Variants in PTPRD observed in about 807,000 individuals in gnomAD.
PTPRD encodes protein tyrosine phosphatase receptor type D.
PTPRD carries 34 observed loss-of-function variants against 214.5 expected under a neutral mutation model. That is an observed-to-expected ratio of 0.16 (90% CI 0.12 to 0.21). PTPRD has a LOEUF of 0.21. Ranked by LOEUF, PTPRD falls within the 10% of genes least tolerant of loss-of-function variation. The pLI, the probability that PTPRD is intolerant of heterozygous loss-of-function variation, is 1.00. For synonymous variants in PTPRD, 1,128 were observed against 845.7 expected (o/e 1.33, Z -5.79); for missense variants, 2,545 against 2,398.7 (o/e 1.06, Z -1.27).
chr9:8,420,608 C>T (rs1017744812), intron 35 of PTPRD, among the ~76,000 whole-genome samples: 1 of 151,918 alleles, frequency 6.6e-6, no homozygotes, highest in Non-Finnish European at 1.5e-5. Context: ...CAAATGAGTA[C>T]CAAGAGCAGA....
chr9:10,228,551 G>A (rs918566015), intron 3 of PTPRD, among the ~76,000 whole-genome samples: 13 of 151,720 alleles, frequency 8.6e-5, no homozygotes, highest in African/African-American at 2.7e-4. Flanking sequence ...AAATCCACTG[G>A]AGCTACCCCT....
At chr9:10,365,925 C>G (rs926369372) in intron 2 of PTPRD, among the ~76,000 whole-genome samples, 11 of 152,120 alleles carry the variant, frequency 7.2e-5, no homozygotes, top group Non-Finnish European at 1.6e-4. Context: ...CCCAAAATAT[C>G]CTCTACTCTG....
chr9:9,280,857 T>A (rs911900735), intron 9 of PTPRD, among the ~76,000 whole-genome samples: 2 of 151,214 alleles, frequency 1.3e-5, no homozygotes, highest in Non-Finnish European at 3.0e-5. Context: ...GGCTGACATA[T>A]CCGACTTCGA....
intron 2 of PTPRD, among the ~76,000 whole-genome samples, chr9:10,359,653 T>C (rs1185892513): frequency 1.3e-5 from 2 of 152,134 alleles, no homozygotes; most frequent in African/African-American, 4.8e-5. Flanking sequence ...ATATCTGTTT[T>C]ATAATTAAAA....
At chr9:8,359,567 C>G (rs2077933635) in intron 39 of PTPRD, among the ~76,000 whole-genome samples, 1 of 152,126 alleles carries the variant, frequency 6.6e-6, no homozygotes, top group African/African-American at 2.4e-5. Context: ...TTCCTGGTCT[C>G]AAGTACTCCA....
At position 8,518,447 on chromosome 9, in the gene PTPRD, A is replaced by T; in HGVS notation, c.962-18T>A. Reference sequence around the variant, plus strand: ...GGGTAAGGCTTGGATGGGGGAAGATAAAAGACAATGACTACCCATCATCCC... The same window carrying T: ...GGGTAAGGCTTGGATGGGGGAAGATTAAAGACAATGACTACCCATCATCCC... On this transcript the variant is annotated intron_variant, in intron 20 of 45. Coordinates refer to ENST00000381196, the MANE Select transcript of PTPRD (RefSeq NM_002839.4). The T allele has an allele frequency of 6.5e-7, 1 of 1,533,824 alleles. No homozygotes were observed. The highest frequency in any genetic ancestry group is 1.2e-5 in the South Asian group (1 of 81,612).
At chr9:10,578,304 GAT>G (rs1340776856) in intron 2 of PTPRD, among the ~76,000 whole-genome samples, 1 of 152,044 alleles carries the variant, frequency 6.6e-6, no homozygotes. Context: ...AGTTTAGGAA[GAT>G]ATTGTAATAT....
intron 8 of PTPRD, among the ~76,000 whole-genome samples, chr9:9,555,527 T>C (rs2081310169): frequency 6.6e-6 from 1 of 152,088 alleles, no homozygotes; most frequent in Admixed American, 6.6e-5. Context: ...CATAATTACA[T>C]GACACTTCAT....
chr9:8,840,585 C>T (rs565422530), intron 11 of PTPRD, among the ~76,000 whole-genome samples: 10 of 152,170 alleles, frequency 6.6e-5, no homozygotes, highest in Non-Finnish European at 1.5e-4. Context: ...TCTCTTCTTA[C>T]TCCACCACCT....
chr9:9,736,764 T>A (rs1357838451), intron 6 of PTPRD, among the ~76,000 whole-genome samples: 1 of 152,024 alleles, frequency 6.6e-6, no homozygotes, highest in East Asian at 1.9e-4. Flanking sequence ...TTTAAGTTAT[T>A]TTTATGCATT....
At chr9:8,680,474 T>C (rs552087358) in intron 12 of PTPRD, among the ~76,000 whole-genome samples, 2 of 152,332 alleles carry the variant, frequency 1.3e-5, no homozygotes, top group African/African-American at 4.8e-5. Context: ...CACCTTTCCA[T>C]ATATGTGCAA....
chr9:8,614,210 T>G (rs2095539052), intron 14 of PTPRD, among the ~76,000 whole-genome samples: 1 of 152,150 alleles, frequency 6.6e-6, no homozygotes. Context: ...TGAATTCACC[T>G]ATTTGCTAAA....
chr9:9,834,087 T>C (rs1462537828), intron 5 of PTPRD, among the ~76,000 whole-genome samples: 3 of 152,064 alleles, frequency 2.0e-5, no homozygotes, highest in African/African-American at 4.8e-5. Flanking sequence ...TTACAATTTA[T>C]GTTTAGAGAT....
chr9:8,373,864 GTCTATCTA>G (rs368216657), intron 39 of PTPRD, among the ~76,000 whole-genome samples: 12,902 of 107,454 alleles, frequency 0.12, 767 homozygotes, highest in Non-Finnish European at 0.14. Context: ...GTGTCTGTCT[GTCTATCTA>G]TCTATCTATC....
chr9:8,927,029 G>A (rs1394818776), intron 11 of PTPRD, among the ~76,000 whole-genome samples: 2 of 152,032 alleles, frequency 1.3e-5, no homozygotes, highest in African/African-American at 4.8e-5. Flanking sequence ...TTTTGACAGA[G>A]GAGGAAACTG....
chr9:10,056,317 T>C (rs578132553), intron 3 of PTPRD, among the ~76,000 whole-genome samples: 2 of 135,166 alleles, frequency 1.5e-5, no homozygotes, highest in South Asian at 4.7e-4. Flanking sequence ...AGAGACTCCA[T>C]CTCAAAAAAA....
intron 9 of PTPRD, among the ~76,000 whole-genome samples, chr9:9,279,331 T>C (rs1447399605): frequency 6.9e-6 from 1 of 144,108 alleles, no homozygotes; most frequent in African/African-American, 2.5e-5. Flanking sequence ...CAGATATATA[T>C]ATACCTAAAT....
chr9:9,780,243 C>T (rs961386942), intron 5 of PTPRD, among the ~76,000 whole-genome samples: 1 of 152,048 alleles, frequency 6.6e-6, no homozygotes, highest in Non-Finnish European at 1.5e-5. Flanking sequence ...ACAATAGACA[C>T]TGCAGATTCC....
intron 4 of PTPRD, among the ~76,000 whole-genome samples, chr9:9,980,517 A>G (rs1414474566): frequency 1.4e-5 from 2 of 143,564 alleles, no homozygotes; most frequent in African/African-American, 5.1e-5. Flanking sequence ...CTGAGGTCGG[A>G]GAATCGCTTG....
Sources: gnomAD v4.1 joint callset for allele counts (sites outside exome capture counted in the v4.1 genomes callset) on GRCh38, gnomAD v4.1.1 for gene constraint, MANE v1.5 for transcripts, NCBI Gene and HGNC (gene_info 2026-07-23, HGNC 2026-07-21) for gene names.